COMMD10: variants seen among roughly 807,000 people sequenced by gnomAD.
COMMD10 encodes the protein COMM domain-containing protein 10.
In COMMD10, 33 loss-of-function variants were observed where a neutral mutation model predicts 28.9. That is an observed-to-expected ratio of 1.14 (90% confidence interval 0.87 to 1.53). The LOEUF (loss-of-function observed/expected upper bound fraction) is 1.53. Ranked by LOEUF, COMMD10 falls within the 40% of genes most tolerant of loss-of-function variation. The pLI, the probability that COMMD10 is intolerant of heterozygous loss-of-function variation, is 0.00. For missense variants in COMMD10, 310 were observed against 233.4 expected (o/e 1.33, Z -2.14); for synonymous variants, 110 against 81.7 (o/e 1.35, Z -1.87).
chr5:116,223,249 G>T (rs1003355588), intron 5 of COMMD10, among the ~76,000 whole-genome samples: 1 of 151,546 alleles, frequency 6.6e-6, no homozygotes, highest in Non-Finnish European at 1.5e-5. Context: ...TCAAATCTAG[G>T]AACTAATTTA....
At chr5:116,109,482 T>C (rs917003948) in intron 4 of COMMD10, among the ~76,000 whole-genome samples, 1 of 152,086 alleles carries the variant, frequency 6.6e-6, no homozygotes, top group African/African-American at 2.4e-5. Context: ...TAATCCCAGC[T>C]ACTTGGGAGG....
At chr5:116,222,124 A>G (rs996170894) in intron 5 of COMMD10, among the ~76,000 whole-genome samples, 1 of 152,198 alleles carries the variant, frequency 6.6e-6, no homozygotes. Context: ...TTAAGAAGTT[A>G]GGGAAGGACA....
At chr5:116,275,239 C>T (rs1043503552) in intron 5 of COMMD10, among the ~76,000 whole-genome samples, 1 of 151,814 alleles carries the variant, frequency 6.6e-6, no homozygotes, top group African/African-American at 2.4e-5. Context: ...GTGTTATAGT[C>T]TGTTGCTTCT....
At chr5:116,166,221 A>C (rs374898989) in intron 5 of COMMD10, among the ~76,000 whole-genome samples, 1 of 141,122 alleles carries the variant, frequency 7.1e-6, no homozygotes, top group African/African-American at 3.1e-5. Flanking sequence ...ATTTTGAACC[A>C]TAAGATGCAA....
intron 5 of COMMD10, among the ~76,000 whole-genome samples, chr5:116,204,082 G>A (rs555259488): frequency 1.3e-5 from 2 of 151,816 alleles, no homozygotes; most frequent in African/African-American, 4.9e-5. Context: ...AAAGGCAGGG[G>A]TTGCATCCTA....
intron 4 of COMMD10, among the ~76,000 whole-genome samples, chr5:116,133,243 T>G (rs1751917003): frequency 6.6e-6 from 1 of 152,180 alleles, no homozygotes; most frequent in Non-Finnish European, 1.5e-5. Context: ...ATCTAAAACC[T>G]TACACTTCTG....
At chr5:116,226,425 T>TC (rs1749395397) in intron 5 of COMMD10, among the ~76,000 whole-genome samples, 1 of 151,722 alleles carries the variant, frequency 6.6e-6, no homozygotes, top group Non-Finnish European at 1.5e-5. Context: ...CCTTTTTTTT[T>TC]TTTTTTTGAG....
At chr5:116,173,695 C>A (rs1316644903) in intron 5 of COMMD10, among the ~76,000 whole-genome samples, 2 of 152,074 alleles carry the variant, frequency 1.3e-5, no homozygotes, top group Non-Finnish European at 2.9e-5. Flanking sequence ...GTTATAGTTT[C>A]ATAAATTATC....
intron 5 of COMMD10, among the ~76,000 whole-genome samples, chr5:116,138,252 G>A (rs1200549925): frequency 1.3e-5 from 2 of 151,642 alleles, no homozygotes; most frequent in African/African-American, 4.8e-5. Flanking sequence ...TATATTAAAA[G>A]CTTTCTACAT....
At chr5:116,261,786 G>T (rs1476537062) in intron 5 of COMMD10, among the ~76,000 whole-genome samples, 1 of 151,620 alleles carries the variant, frequency 6.6e-6, no homozygotes, top group African/African-American at 2.4e-5. Flanking sequence ...TTACCAGTGG[G>T]TTCAGTGCTC....
At chr5:116,112,563 G>GTGTA (rs1751086864) in intron 4 of COMMD10, among the ~76,000 whole-genome samples, 1 of 152,058 alleles carries the variant, frequency 6.6e-6, no homozygotes, top group African/African-American at 2.4e-5. Context: ...ACCATGCACA[G>GTGTA]CTAATTTTTG....
intron 5 of COMMD10, among the ~76,000 whole-genome samples, chr5:116,216,690 C>T (rs182764786): frequency 2.2e-4 from 33 of 152,160 alleles, no homozygotes; most frequent in Admixed American, 7.2e-4. Context: ...TGCGCCACCA[C>T]GCCCAGCTTA....
intron 5 of COMMD10, among the ~76,000 whole-genome samples, chr5:116,287,011 C>G (rs1268553587): frequency 2.6e-5 from 4 of 151,834 alleles, no homozygotes; most frequent in South Asian, 4.1e-4. Context: ...AAAGTTTGTT[C>G]CATATATTTA....
intron 5 of COMMD10, among the ~76,000 whole-genome samples, chr5:116,268,446 A>C (rs1345630303): frequency 6.6e-6 from 1 of 151,902 alleles, no homozygotes; most frequent in South Asian, 2.1e-4. Flanking sequence ...AAAAGTCAGG[A>C]AACAACAGGT....
At chr5:116,217,194 CT>C (rs1234970953) in intron 5 of COMMD10, among the ~76,000 whole-genome samples, 391 of 144,662 alleles carry the variant, frequency 2.7e-3, no homozygotes, top group Non-Finnish European at 3.2e-3. Context: ...ATCAACCACT[CT>C]TTTTTTTTTT....
At chr5:116,095,073 CAT>C (rs1750424131) in intron 4 of COMMD10, among the ~76,000 whole-genome samples, 1 of 152,084 alleles carries the variant, frequency 6.6e-6, no homozygotes, top group African/African-American at 2.4e-5. Context: ...TGGGTACAAA[CAT>C]ATAATCAGAA....
chr5:116,107,385 G>A (rs913493349), intron 4 of COMMD10, among the ~76,000 whole-genome samples: 1 of 151,846 alleles, frequency 6.6e-6, no homozygotes, highest in African/African-American at 2.4e-5. Context: ...TCTTTTCACT[G>A]TTTCTTCTCT....
chr5:116,096,225 A>T (rs949965993), intron 4 of COMMD10, among the ~76,000 whole-genome samples: 1 of 151,848 alleles, frequency 6.6e-6, no homozygotes, highest in African/African-American at 2.4e-5. Flanking sequence ...AGTATTGAGT[A>T]TATCTATTTA....
intron 5 of COMMD10, among the ~76,000 whole-genome samples, chr5:116,148,101 T>A (rs1580489358): frequency 6.6e-6 from 1 of 151,880 alleles, no homozygotes; most frequent in East Asian, 1.9e-4. Flanking sequence ...TAAAGCCATA[T>A]TTAAAATACT....
Sources: allele counts gnomAD v4.1 joint callset (sites outside exome capture counted in the v4.1 genomes callset), GRCh38; gene constraint gnomAD v4.1.1; transcripts MANE v1.5; gene names NCBI Gene and HGNC (gene_info 2026-07-23, HGNC 2026-07-21).